ITSN1: variants seen among roughly 807,000 people sequenced by gnomAD.
The protein encoded by ITSN1 is intersectin-1.
ITSN1 carries 58 observed loss-of-function variants against 239.8 expected under a neutral mutation model. The ratio of observed to expected loss-of-function variants is 0.24; its 90% confidence interval spans 0.20 to 0.30. The LOEUF (loss-of-function observed/expected upper bound fraction) is 0.30. Ranked by LOEUF, ITSN1 falls within the 10% of genes least tolerant of loss-of-function variation. ITSN1 has a pLI of 1.00. For synonymous variants in ITSN1, 780 were observed against 770.8 expected, an observed-to-expected ratio of 1.01 and a Z score of -0.20; for missense variants, 1,558 against 2,103.3, an observed-to-expected ratio of 0.74 and a Z score of 5.07.
At chr21:33,700,665 G>C (rs545594318) in intron 1 of ITSN1, among the ~76,000 whole-genome samples, 1 of 152,050 alleles carries the variant, frequency 6.6e-6, no homozygotes, top group Non-Finnish European at 1.5e-5. Context: ...CTCCAGCAGC[G>C]CGGGTTGGTG....
chr21:33,732,098 T>C (rs2066224134), intron 4 of ITSN1, among the ~76,000 whole-genome samples: 1 of 152,218 alleles, frequency 6.6e-6, no homozygotes. Flanking sequence ...AAAGAGTTAT[T>C]ATCCAAAGAG....
At chr21:33,872,925 T>G (rs1983005138) in intron 33 of ITSN1, among the ~76,000 whole-genome samples, 1 of 152,242 alleles carries the variant, frequency 6.6e-6, no homozygotes, top group Admixed American at 6.5e-5. Flanking sequence ...TAAACCTGTT[T>G]GAATTTTGAA....
rs555548125 is a variant in ITSN1 at position 33,818,557 on chromosome 21, A to G, written c.2933+85A>G. ...TTTGCACTAGTTAAGATTCACAGAC[A>G]GGAGTTGCGGGATTAGTTTGTCTTC... On this transcript the variant is annotated intron_variant, in intron 23 of 39. Transcript: ENST00000381318. 606 of 1,202,518 alleles carry G rather than the reference A, an allele frequency of 5.0e-4. 1 individual carries two copies. Among genetic ancestry groups the G allele is most frequent in the Middle Eastern group, 1.4e-3 (6 of 4,356 alleles). 74.5% of individuals were successfully genotyped at this position (1,202,518 alleles called of 1,614,324 possible). A position where few individuals can be genotyped will look rare whatever the true frequency, so the allele number is the denominator to read the frequency against.
intron 1 of ITSN1, among the ~76,000 whole-genome samples, chr21:33,671,162 G>T (rs548376368): frequency 6.6e-6 from 1 of 152,268 alleles, no homozygotes; most frequent in East Asian, 1.9e-4. Flanking sequence ...AATGCCAGTG[G>T]TGCCTCCCAG....
intron 1 of ITSN1, among the ~76,000 whole-genome samples, chr21:33,689,064 C>T (rs760013593): frequency 1.3e-5 from 2 of 152,104 alleles, no homozygotes; most frequent in African/African-American, 2.4e-5. Context: ...CCACCCACCT[C>T]GGCCTCCCAA....
chr21:33,823,905 G>A (rs1343532657), intron 25 of ITSN1, among the ~76,000 whole-genome samples: 2 of 152,126 alleles, frequency 1.3e-5, no homozygotes, highest in Non-Finnish European at 2.9e-5. Context: ...TCAGCTGGGA[G>A]GATAATGTTC....
chr21:33,826,100 G>T (rs1182990717), intron 25 of ITSN1, among the ~76,000 whole-genome samples: 1 of 152,206 alleles, frequency 6.6e-6, no homozygotes, highest in Non-Finnish European at 1.5e-5. Context: ...TACTTGGCTG[G>T]TTTAAAATTC....
chr21:33,671,453 A>C (rs2090273618), intron 1 of ITSN1, among the ~76,000 whole-genome samples: 1 of 151,784 alleles, frequency 6.6e-6, no homozygotes, highest in African/African-American at 2.4e-5. Flanking sequence ...CGCCCGACTA[A>C]TTTTGTATTT....
chr21:33,699,376 T>A (rs543604605), intron 1 of ITSN1, among the ~76,000 whole-genome samples: 1 of 152,314 alleles, frequency 6.6e-6, no homozygotes, highest in Admixed American at 6.5e-5. Flanking sequence ...CTGTTTCAAA[T>A]AAATGAGTCT....
chr21:33,826,708 T>G (rs2073992782), intron 25 of ITSN1, 110 bp from the exon 26 acceptor site: 1 of 901,058 alleles, frequency 1.1e-6, no homozygotes, highest in African/African-American at 1.7e-5. Context: ...TTTCCCAGAA[T>G]GAAAAGTGGG....
chr21:33,835,702 G>A (rs985974360), intron 28 of ITSN1, among the ~76,000 whole-genome samples: 14 of 152,142 alleles, frequency 9.2e-5, no homozygotes, highest in Non-Finnish European at 1.5e-4. Flanking sequence ...AGGCCGAGGC[G>A]GGCGGATCTC....
At chr21:33,736,587 A>G (rs561493287) in intron 5 of ITSN1, among the ~76,000 whole-genome samples, 2 of 152,358 alleles carry the variant, frequency 1.3e-5, no homozygotes, top group African/African-American at 4.8e-5. Flanking sequence ...TGTGCTCACA[A>G]TGTTTAGCCT....
chr21:33,684,208 C>T (rs549849941), intron 1 of ITSN1, among the ~76,000 whole-genome samples: 6 of 152,270 alleles, frequency 3.9e-5, no homozygotes, highest in African/African-American at 1.4e-4. Flanking sequence ...TCTAATCTGC[C>T]ATGCATCTGC....
chr21:33,875,576 G>C, intron 34 of ITSN1, 55 bp downstream of exon 34: 1 of 1,539,266 alleles, frequency 6.5e-7, no homozygotes, highest in Non-Finnish European at 8.9e-7. Flanking sequence ...TCGCCTGCCA[G>C]CCTGGAGGAG....
At chr21:33,815,062 T>A (rs973565679) in intron 22 of ITSN1, among the ~76,000 whole-genome samples, 8 of 152,002 alleles carry the variant, frequency 5.3e-5, no homozygotes, top group Non-Finnish European at 1.2e-4. Context: ...AAGAGTTGTG[T>A]TTTAGTTGTG....
At chr21:33,713,305 T>A (rs1000575670) in intron 1 of ITSN1, among the ~76,000 whole-genome samples, 1 of 152,094 alleles carries the variant, frequency 6.6e-6, no homozygotes, top group Admixed American at 6.5e-5. Flanking sequence ...GGTGGCACGA[T>A]CTAGGCTCAC....
chr21:33,758,534 A>T (rs2068076651), intron 8 of ITSN1, among the ~76,000 whole-genome samples: 1 of 133,872 alleles, frequency 7.5e-6, no homozygotes, highest in African/African-American at 2.9e-5. Context: ...CTTAAAAGAG[A>T]CTGCCTTATA....
At chr21:33,792,027 C>A (rs2147993687) in intron 16 of ITSN1, among the ~76,000 whole-genome samples, 1 of 152,088 alleles carries the variant, frequency 6.6e-6, no homozygotes, top group South Asian at 2.1e-4. Flanking sequence ...AAAACAGATA[C>A]TGAAATAAAT....
intron 16 of ITSN1, 84 bp downstream of exon 16, chr21:33,782,217 G>T: frequency 1.5e-6 from 2 of 1,321,430 alleles, no homozygotes; most frequent in South Asian, 1.3e-5. Context: ...TTTAATCACA[G>T]GCAGAAAAAT....
Sources: gnomAD v4.1 joint callset for allele counts (sites outside exome capture counted in the v4.1 genomes callset) on GRCh38, gnomAD v4.1.1 for gene constraint, MANE v1.5 for transcripts, NCBI Gene and HGNC (gene_info 2026-07-23, HGNC 2026-07-21) for gene names.